MAGEA4: variants seen among roughly 807,000 people sequenced by gnomAD.
MAGEA4 encodes the protein melanoma-associated antigen 4.
A neutral mutation model predicts 13.7 loss-of-function variants in MAGEA4; 1 was observed. The observed-to-expected ratio is 0.07, with a 90% confidence interval of 0.03 to 0.35. MAGEA4 has a LOEUF of 0.35. MAGEA4 is among the 10% of genes least tolerant of loss of function. The pLI, the probability that MAGEA4 is intolerant of heterozygous loss-of-function variation, is 0.99. For synonymous variants in MAGEA4, 132 were observed against 101.1 expected (o/e 1.31, Z -1.83); for missense variants, 312 against 245.1 (o/e 1.27, Z -1.82).
intron 1 of MAGEA4, among the ~76,000 whole-genome samples, chrX:151,921,821 C>G (rs1203260776): frequency 9.8e-6 from 1 of 101,713 alleles, no homozygotes; most frequent in Admixed American, 1.0e-4. Flanking sequence ...AGGAAGGCCT[C>G]AGGAGACCCA....
chrX:151,922,990 C>G (rs1933518176), intron 1 of MAGEA4, among the ~76,000 whole-genome samples: 1 of 112,554 alleles, frequency 8.9e-6, no homozygotes, highest in Non-Finnish European at 1.9e-5. Flanking sequence ...CCTGTTCCCT[C>G]TCAGGCATGT....
At chrX:151,919,763 A>G (rs1933321571) in intron 1 of MAGEA4, 3 of 748,622 alleles carry the variant, frequency 4.0e-6, no homozygotes, top group African/African-American at 2.3e-5. Context: ...CCCACCGCAG[A>G]TAGACAATCC....
At position 151,924,501 on chromosome X, in the gene MAGEA4, G is replaced by C; in HGVS notation, c.837G>C (p.Leu279=). The C allele has an allele frequency of 8.3e-7, 1 of 1,212,010 alleles. No homozygotes were observed. Among genetic ancestry groups the C allele is most frequent in the Admixed American group, 2.2e-5 (1 of 46,093 alleles). ...RYEFLWGPRA[L]AETSYVKVLE... ...AGTTCCTGTGGGGTCCAAGGGCTCT[G>C]GCTGAAACCAGCTATGTGAAAGTCC... Residue 279 remains leucine (L), a synonymous_variant, in exon 3 of 3, where the codon CTG becomes CTC. Coordinates refer to ENST00000276344, the MANE Select transcript of MAGEA4 (RefSeq NM_001011548.1).
In MAGEA4 at chrX:151,924,000, C is replaced by T. The variant is rs199755286; in HGVS notation, c.336C>T (p.Asn112=). 2 of 1,212,091 alleles carry T rather than the reference C, an allele frequency of 1.7e-6. No individual in the cohort carries two copies. The highest frequency in any genetic ancestry group is 5.9e-5 in the East Asian group (2 of 33,839). ...CCTTGTTCCGAGAAGCACTCAGTAA[C>T]AAGGTGGATGAGTTGGCTCATTTTC... ...AESLFREALS[N]KVDELAHFLL... is the part of the protein sequence containing the mutation. Residue 112 remains asparagine (N), a synonymous_variant, in exon 3 of 3, where the codon AAC becomes AAT. Transcript: ENST00000276344.
rs775092136 is a variant in MAGEA4 at position 151,913,124 on chromosome X, G to A, written c.-138+155G>A. Among the ~76,000 whole-genome samples, 23 of 109,241 alleles carry A rather than the reference G, an allele frequency of 2.1e-4. No homozygotes were observed. In the East Asian group the frequency reaches 6.8e-3, roughly 32 times the overall value. The allele number at this position is 109,241 out of a possible 115,157, so 94.9% of individuals were successfully genotyped here. ...CACCCCACTGCCACTTAAGCCTCAGGGGATTCTGAAGTCAGAGCTTGGGGT... is the reference window on the plus strand; with the variant it reads ...CACCCCACTGCCACTTAAGCCTCAGAGGATTCTGAAGTCAGAGCTTGGGGT... On this transcript the variant is annotated intron_variant, in intron 1 of 2. Transcript: ENST00000276344.
chrX:151,918,816 A>C (rs1603069310), intron 1 of MAGEA4: 1 of 53,816 alleles, frequency 1.9e-5, no homozygotes, highest in Non-Finnish European at 2.9e-5. Context: ...TTCCGCTTTC[A>C]ACCCACCCCC....
chrX:151,920,204 T>TTA (rs1255491547), intron 1 of MAGEA4, among the ~76,000 whole-genome samples: 1 of 109,530 alleles, frequency 9.1e-6, no homozygotes, highest in South Asian at 4.0e-4. Context: ...GCATTGGGGG[T>TTA]TAGAGAGACG....
intron 1 of MAGEA4, among the ~76,000 whole-genome samples, chrX:151,922,184 T>G (rs753409490): frequency 2.2e-3 from 245 of 111,093 alleles, no homozygotes; most frequent in Admixed American, 6.3e-3. Flanking sequence ...TCACGAGGAA[T>G]GGGGATACCT....
At chrX:151,919,490 CTT>C (rs1352406859) in intron 1 of MAGEA4, among the ~76,000 whole-genome samples, 1 of 96,953 alleles carries the variant, frequency 1.0e-5, no homozygotes, top group Non-Finnish European at 2.1e-5. Flanking sequence ...TCAGGTTCTG[CTT>C]CCGCTTTCAA....
chrX:151,923,982 C>G lies in MAGEA4; in HGVS notation c.318C>G (p.Phe106Leu), dbSNP rs866271621. 1 of 1,211,734 alleles carries G rather than the reference C, an allele frequency of 8.3e-7. No homozygotes were observed. The highest frequency in any genetic ancestry group is 1.1e-6 in the Non-Finnish European group (1 of 895,467). The change falls in exon 3 of 3, where the codon TTC (phenylalanine) becomes TTG (leucine). Residue 106 changes from phenylalanine (F) to leucine (L), a missense_variant. Physicochemically the swap from Phe to Leu is conservative, Grantham distance 22. Transcript: ENST00000276344. The part of the protein sequence containing the change: ...PSTSPDAESL[F>L]REALSNKVDE... ...CCTCGCCTGACGCAGAGTCCTTGTT[C>G]CGAGAAGCACTCAGTAACAAGGTGG...
chrX:151,919,819 G>T, intron 1 of MAGEA4: 1 of 706,115 alleles, frequency 1.4e-6, no homozygotes, highest in Non-Finnish European at 1.7e-6. Flanking sequence ...GGCCACTCGT[G>T]GGGGGACTTC....
intron 1 of MAGEA4, chrX:151,918,158 C>CCCCCTCCACCGACCT (rs1480988706): frequency 1.8e-4 from 5 of 28,532 alleles, no homozygotes; most frequent in African/African-American, 7.4e-4. Flanking sequence ...CAAAAACCCG[C>CCCCCTCCACCGACCT]CCCCTCCACC....
chrX:151,919,131 C>G (rs1254109178), intron 1 of MAGEA4: 1 of 702,637 alleles, frequency 1.4e-6, no homozygotes, highest in Non-Finnish European at 1.7e-6. Context: ...GTGGGCCACC[C>G]GTGGGCTGAC....
intron 2 of MAGEA4, 27 bp from the exon 3 acceptor site, chrX:151,923,573 T>G: frequency 8.3e-7 from 1 of 1,209,423 alleles, no homozygotes; most frequent in Non-Finnish European, 1.1e-6. Context: ...TCAGCTGAGG[T>G]CTCTCACATG....
intron 1 of MAGEA4, chrX:151,918,992 T>C: frequency 1.3e-6 from 1 of 752,885 alleles, no homozygotes; most frequent in African/African-American, 2.3e-5. Flanking sequence ...GACCAGCCGC[T>C]TGGGATTGGT....
At chrX:151,922,300 A>C (rs1933484369) in intron 1 of MAGEA4, among the ~76,000 whole-genome samples, 1 of 111,436 alleles carries the variant, frequency 9.0e-6, no homozygotes, top group South Asian at 3.8e-4. Context: ...CTTGTTCCAC[A>C]GGCAGGAAGT....
chrX:151,923,970 A>T lies in MAGEA4; in HGVS notation c.306A>T (p.Ala102=). The part of the protein sequence containing the change: ...EEEGPSTSPD[A]ESLFREALSN... ...AGGGGCCAAGCACCTCGCCTGACGCAGAGTCCTTGTTCCGAGAAGCACTCA... is the reference window on the plus strand; with the variant it reads ...AGGGGCCAAGCACCTCGCCTGACGCTGAGTCCTTGTTCCGAGAAGCACTCA... The change falls in exon 3 of 3, where the codon GCA becomes GCT. Residue 102 remains alanine (A), a synonymous_variant. Coordinates refer to ENST00000276344, the MANE Select transcript of MAGEA4 (RefSeq NM_001011548.1). The T allele has an allele frequency of 8.3e-7, 1 of 1,211,949 alleles. No homozygotes were observed.
At chrX:151,919,523 C>T in intron 1 of MAGEA4, 4 of 347,152 alleles carry the variant, frequency 1.2e-5, no homozygotes, top group Non-Finnish European at 1.5e-5. Flanking sequence ...AAACGCGCCC[C>T]CTCCACCGAC....
rs754718950 is a variant in MAGEA4, at chrX:151,924,279, C to T, written c.615C>T (p.Ile205=). ...QIFPKTGLLI[I]VLGTIAMEGD... ...TTCCCAAGACAGGCCTTCTGATAATCGTCCTGGGCACAATTGCAATGGAGG... is the reference window on the plus strand; with the variant it reads ...TTCCCAAGACAGGCCTTCTGATAATTGTCCTGGGCACAATTGCAATGGAGG... The change falls in exon 3 of 3, where the codon ATC becomes ATT. Residue 205 remains isoleucine (I), a synonymous_variant. Transcript: ENST00000276344. 44 of 1,208,648 alleles carry T rather than the reference C, an allele frequency of 3.6e-5. No individual in the cohort carries two copies. The African/African-American group carries it at 4.4e-4, about 12-fold the overall frequency.
Sources: gnomAD v4.1 joint callset for allele counts (sites outside exome capture counted in the v4.1 genomes callset) on GRCh38, gnomAD v4.1.1 for gene constraint, MANE v1.5 for transcripts, NCBI Gene and HGNC (gene_info 2026-07-23, HGNC 2026-07-21) for gene names.